Variants in SLC13A4 observed in about 807,000 individuals in gnomAD.
The protein encoded by SLC13A4 is Na(+)/sulfate cotransporter SUT-1.
A neutral mutation model predicts 72.7 loss-of-function variants in SLC13A4; 28 were observed. The observed-to-expected ratio is 0.39, with a 90% CI of 0.29 to 0.53. The LOEUF is 0.53. SLC13A4 is among the 20% of genes least tolerant of loss of function. The pLI is 0.78. For missense variants in SLC13A4, 653 were observed against 788.0 expected (o/e 0.83, Z 2.05); for synonymous variants, 312 against 325.5 (o/e 0.96, Z 0.45).
intron 9 of SLC13A4, 24 bp from the exon 10 acceptor site, chr7:135,694,262 G>GAT (rs772835028): frequency 5.2e-5 from 74 of 1,428,590 alleles, no homozygotes; most frequent in Non-Finnish European, 6.8e-5. Flanking sequence ...ATGAGCAAAT[G>GAT]ATTAAAGAAA....
chr7:135,684,087 C>A, intron 15 of SLC13A4, 37 bp downstream of exon 15: 1 of 1,561,768 alleles, frequency 6.4e-7, no homozygotes, highest in Non-Finnish European at 8.7e-7. Flanking sequence ...GTCCTCATGG[C>A]AGCTGGGCCT....
Position 135,687,451 on chromosome 7 carries a change from C to A in SLC13A4, c.1447-1768G>T, listed in dbSNP as rs190535344. Reference sequence around the variant, plus strand: ...TTCCAAATTCATCAAAAGCTCATTTCATCTCTACAGTACCCTGGCCACCTC... The same window carrying A: ...TTCCAAATTCATCAAAAGCTCATTTAATCTCTACAGTACCCTGGCCACCTC... On this transcript the variant is annotated intron_variant, in intron 13 of 15. Transcript: ENST00000682651. 1.4e-4 allele frequency among the ~76,000 whole-genome samples: 22 copies of A among 152,356 alleles called. No homozygotes were observed. In the East Asian group the frequency reaches 4.2e-3, roughly 29 times the overall value.
intron 1 of SLC13A4, among the ~76,000 whole-genome samples, chr7:135,723,389 C>A (rs867256113): frequency 3.3e-5 from 5 of 152,116 alleles, no homozygotes; most frequent in Non-Finnish European, 7.3e-5. Flanking sequence ...GTGTTGATTG[C>A]CCTGAATTAT....
chr7:135,713,180 GA>G (rs928042640), intron 2 of SLC13A4, among the ~76,000 whole-genome samples: 1 of 152,202 alleles, frequency 6.6e-6, no homozygotes, highest in African/African-American at 2.4e-5. Flanking sequence ...TTTGTAAAGA[GA>G]AATTAGATTC....
intron 15 of SLC13A4, 44 bp downstream of exon 15, chr7:135,684,080 C>T: frequency 6.4e-7 from 1 of 1,554,580 alleles, no homozygotes; most frequent in South Asian, 1.2e-5. Context: ...CATCCCTGTC[C>T]TCATGGCAGC....
intron 5 of SLC13A4, chr7:135,703,493 CAAGGGA>C (rs961773166): frequency 2.0e-5 from 3 of 153,038 alleles, no homozygotes; most frequent in African/African-American, 7.2e-5. Context: ...CAGGGAAAGT[CAAGGGA>C]GAGGGAGAGG....
At chr7:135,705,944 G>T in intron 4 of SLC13A4, 184 bp downstream of exon 4, 1 of 587,668 alleles carries the variant, frequency 1.7e-6, no homozygotes, top group Non-Finnish European at 2.9e-6. Flanking sequence ...GTTCAGGGAA[G>T]CTTCAGAGTC....
At position 135,691,304 on chromosome 7, in the gene SLC13A4, A is replaced by T; in HGVS notation, c.1343T>A (p.Leu448Gln). Residue 448 changes from leucine to glutamine, a missense_variant, in exon 13 of 16, where the codon CTG (leucine) becomes CAG (glutamine). Physicochemically the swap from Leu to Gln is moderately radical, Grantham distance 113 (BLOSUM62 -2). Transcript: ENST00000682651. ...CCACGTGATGATGGGCTCGGTCCCC[A>T]GTGAGTGCTCCTGGTTCTCTCCTGG... ...KNDGENQEHS[L>Q]GTEPIITWKD... 1 of 1,612,850 alleles carries T rather than the reference A, an allele frequency of 6.2e-7. No homozygotes were observed. Among genetic ancestry groups the T allele is most frequent in the Non-Finnish European group, 8.5e-7 (1 of 1,179,316 alleles).
At chr7:135,692,117 C>T in intron 11 of SLC13A4, 1 of 579,344 alleles carries the variant, frequency 1.7e-6, no homozygotes. Context: ...AATGAGACTA[C>T]ATGCAGCACT....
At chr7:135,693,781 T>C (rs540010807) in intron 10 of SLC13A4, among the ~76,000 whole-genome samples, 2 of 152,276 alleles carry the variant, frequency 1.3e-5, no homozygotes, top group South Asian at 4.1e-4. Context: ...ACCGCACCAC[T>C]GTGGTGGCGC....
chr7:135,689,592 A>C (rs930969281), intron 13 of SLC13A4, among the ~76,000 whole-genome samples: 3 of 152,192 alleles, frequency 2.0e-5, no homozygotes, highest in Non-Finnish European at 1.5e-5. Flanking sequence ...ATGGGTCACT[A>C]CTACTTGATT....
intron 3 of SLC13A4, among the ~76,000 whole-genome samples, chr7:135,706,977 CAT>C (rs1227352261): frequency 1.3e-5 from 2 of 152,200 alleles, no homozygotes; most frequent in Non-Finnish European, 2.9e-5. Flanking sequence ...CCTGTACAGA[CAT>C]GTCCTAGTTT....
chr7:135,721,734 G>A (rs1373998506), intron 1 of SLC13A4, among the ~76,000 whole-genome samples: 3 of 152,192 alleles, frequency 2.0e-5, no homozygotes, highest in Non-Finnish European at 4.4e-5. Flanking sequence ...CTCCTTCGGG[G>A]ACCGATGCCT....
intron 15 of SLC13A4, chr7:135,683,564 TCAG>T: frequency 1.0e-6 from 1 of 985,216 alleles, no homozygotes. Flanking sequence ...AGTGCTAAAG[TCAG>T]CAGCAAAATA....
At chr7:135,722,239 GT>G (rs1796563854) in intron 1 of SLC13A4, among the ~76,000 whole-genome samples, 1 of 145,656 alleles carries the variant, frequency 6.9e-6, no homozygotes, top group African/African-American at 2.6e-5. Context: ...GGACTATAGA[GT>G]ACAATGCTGT....
intron 8 of SLC13A4, among the ~76,000 whole-genome samples, chr7:135,698,583 C>T (rs1013761101): frequency 8.0e-5 from 12 of 149,244 alleles, no homozygotes; most frequent in Admixed American, 3.4e-4. Flanking sequence ...GATCTGCCCA[C>T]CTTGGCCTCC....
At position 135,681,475 on chromosome 7, in the gene SLC13A4, G is replaced by A; in HGVS notation, c.*88C>T. 6.6e-7 allele frequency: 1 copy of A among 1,522,140 alleles called. No homozygotes were observed. Among genetic ancestry groups the A allele is most frequent in the South Asian group, 1.3e-5 (1 of 78,262 alleles). 94.3% of individuals were successfully genotyped at this position (1,522,140 alleles called of 1,614,324 possible). A position where few individuals can be genotyped will look rare whatever the true frequency, so the allele number is the denominator to read the frequency against. ...CGTGGGTCTGGGGTTGTGTGCTCCT[G>A]GTGGTCCTAGTGGTTTTCTTTGCCT... On this transcript the variant is annotated 3_prime_UTR_variant, in exon 16 of 16. Transcript: ENST00000682651.
At chr7:135,711,122 G>A (rs1477852720) in intron 2 of SLC13A4, among the ~76,000 whole-genome samples, 2 of 152,190 alleles carry the variant, frequency 1.3e-5, no homozygotes, top group African/African-American at 4.8e-5. Context: ...CAGGCTTTGT[G>A]GAGGCGGCTT....
chr7:135,692,465 A>G, intron 10 of SLC13A4, 41 bp from the exon 11 acceptor site: 3 of 1,445,388 alleles, frequency 2.1e-6, no homozygotes, highest in Non-Finnish European at 2.9e-6. Flanking sequence ...GAACTGAGAA[A>G]TTTCTCCTAG....
Sources: allele counts gnomAD v4.1 joint callset (sites outside exome capture counted in the v4.1 genomes callset), GRCh38; gene constraint gnomAD v4.1.1; transcripts MANE v1.5; gene names NCBI Gene and HGNC (gene_info 2026-07-23, HGNC 2026-07-21).